The following BOP1 variants were observed in gnomAD, a reference collection of about 807,000 sequenced individuals.
The protein encoded by BOP1 is ribosome biogenesis protein BOP1.
BOP1 carries 54 observed loss-of-function variants against 82.9 expected under a neutral mutation model. The observed-to-expected ratio is 0.65, with a 90% CI of 0.52 to 0.82. The LOEUF (loss-of-function observed/expected upper bound fraction) is 0.82, where lower values mean the gene tolerates loss of function less well. Among genes scored for constraint, BOP1 ranks in the 40% least tolerant of loss-of-function variants. The pLI, the probability that BOP1 is intolerant of heterozygous loss-of-function variation, is 0.00. For synonymous variants in BOP1, 566 were observed against 451.1 expected, an observed-to-expected ratio of 1.25 and a Z score of -3.23; for missense variants, 1,170 against 1,072.0, an observed-to-expected ratio of 1.09 and a Z score of -1.28.
chr8:144,268,274 G>A, intron 3 of BOP1: 1 of 1,358,402 alleles, frequency 7.4e-7, no homozygotes, highest in Non-Finnish European at 1.0e-6. Context: ...GCCAGCCCTG[G>A]CTGCGAGCGG....
chr8:144,262,286 CG>C lies in BOP1; in HGVS notation c.2118del (p.Val707SerfsTer4). ...NDLLQNPLLV[P>X]VKVLKGHVLT... is the part of the protein sequence containing the mutation. ...AGCACGTGTCCCTTCAGCACCTTGA[CG>C]GGCACCAGCAAGGGGTTCTGCAGAA... On this transcript the variant is annotated frameshift_variant, in exon 16 of 16. Coordinates refer to ENST00000569669, the MANE Select transcript of BOP1 (RefSeq NM_015201.5). LOFTEE classifies it high-confidence loss of function. 6.2e-7 allele frequency: 1 copy of C among 1,612,778 alleles called. No homozygotes were observed. The highest frequency in any genetic ancestry group is 8.5e-7 in the Non-Finnish European group (1 of 1,179,782).
intron 3 of BOP1, chr8:144,268,504 G>A: frequency 2.7e-6 from 1 of 365,518 alleles, no homozygotes; most frequent in Non-Finnish European, 5.0e-6. Context: ...CTGTCCTCAT[G>A]AAAGGTTCAG....
At chr8:144,269,337 A>G (rs1474564869) in intron 3 of BOP1, among the ~76,000 whole-genome samples, 2 of 152,208 alleles carry the variant, frequency 1.3e-5, no homozygotes, top group African/African-American at 4.8e-5. Flanking sequence ...TGATGGTGCC[A>G]GGTGCGGGCG....
At chr8:144,286,540 G>A (rs1413441728) in intron 2 of BOP1, among the ~76,000 whole-genome samples, 2 of 132,032 alleles carry the variant, frequency 1.5e-5, no homozygotes, top group Non-Finnish European at 3.3e-5. Context: ...CCACGGCAGG[G>A]CAGGGCCTCG....
rs782523473 is a variant in BOP1 at position 144,263,294 on chromosome 8, T to G, written c.1532A>C (p.Gln511Pro). 1.9e-6 allele frequency: 3 copies of G among 1,594,178 alleles called. No individual in the cohort carries two copies. The highest frequency in any genetic ancestry group is 1.7e-6 in the Non-Finnish European group (2 of 1,178,980). The change falls in exon 12 of 16, where the codon CAG (glutamine) becomes CCG (proline). Residue 511 changes from glutamine (Q) to proline (P), a missense_variant. Gln to Pro is a moderately conservative substitution (Grantham distance 76). Coordinates refer to ENST00000569669, the MANE Select transcript of BOP1 (RefSeq NM_015201.5). ...AFVPPEEPPL[Q>P]PARWLEASEE... ...TGAGGCCTCCAGCCAGCGGGCCGGC[T>G]GCAAGGGGGGCTCCTCAGGCGGGAC...
chr8:144,277,477 G>A (rs1845585456), intron 2 of BOP1, among the ~76,000 whole-genome samples: 1 of 152,248 alleles, frequency 6.6e-6, no homozygotes, highest in Non-Finnish European at 1.5e-5. Context: ...CTGCGGACGG[G>A]TACCGGGCTG....
At chr8:144,263,423 G>A (rs1477192581) in intron 11 of BOP1, 22 bp from the exon 12 acceptor site, 17 of 1,597,658 alleles carry the variant, frequency 1.1e-5, no homozygotes, top group South Asian at 2.2e-5. Flanking sequence ...GCCCAGACAC[G>A]GCCCCTAAGC....
In BOP1 at chr8:144,291,077, C is replaced by T. The variant is rs1436740720; in HGVS notation, c.99+195G>A. On this transcript the variant is annotated intron_variant, in intron 1 of 15. Transcript: ENST00000569669. The surrounding 1 kb of genome is among the most constrained non-coding windows in gnomAD (Gnocchi z 4.1). Reference sequence around the variant, plus strand: ...TCCCCGCTCCCCCGTTTCTTTGCTTCCCGGACGCCGTCCTTTACCCCGCAG... The same window carrying T: ...TCCCCGCTCCCCCGTTTCTTTGCTTTCCGGACGCCGTCCTTTACCCCGCAG... Among the ~76,000 whole-genome samples, 1 of 151,580 alleles carries T rather than the reference C, an allele frequency of 6.6e-6. No individual in the cohort carries two copies. Among genetic ancestry groups the T allele is most frequent in the African/African-American group, 2.4e-5 (1 of 41,286 alleles).
Position 144,289,078 on chromosome 8 carries a change from G to A in BOP1, c.309+17C>T, listed in dbSNP as rs782170909. On this transcript the variant is annotated intron_variant, in intron 2 of 15. Coordinates refer to ENST00000569669, the MANE Select transcript of BOP1 (RefSeq NM_015201.5). ...CACATGGGGGACAGCCCTCGAGGGG[G>A]CTCCTCGCTCACCCACCTGCACCTG... 6.2e-6 allele frequency: 10 copies of A among 1,613,608 alleles called. 1 individual carries two copies. The South Asian group carries it at 1.1e-4, about 18-fold the overall frequency.
intron 2 of BOP1, among the ~76,000 whole-genome samples, chr8:144,277,766 G>A (rs1554838437): frequency 3.9e-4 from 59 of 152,372 alleles, no homozygotes; most frequent in African/African-American, 1.2e-3. Flanking sequence ...GGGCGACGGC[G>A]CTCAGCCAGG....
chr8:144,273,435 G>A (rs1006557744), intron 3 of BOP1, among the ~76,000 whole-genome samples: 3 of 152,356 alleles, frequency 2.0e-5, no homozygotes, highest in East Asian at 3.9e-4. Flanking sequence ...CCAGCACCAC[G>A]GGGCACAGGA....
At position 144,263,672 on chromosome 8, in the gene BOP1, T is replaced by C; in HGVS notation, c.1291+20A>G. On this transcript the variant is annotated intron_variant, in intron 10 of 15. Coordinates refer to ENST00000569669, the MANE Select transcript of BOP1 (RefSeq NM_015201.5). ...TCCCACCTGCCCCCCAGCTCAAGGC[T>C]GCCCCCAGCTCGGACCCACCTGAAA... 1 of 1,588,788 alleles carries C rather than the reference T, an allele frequency of 6.3e-7. No homozygotes were observed. The highest frequency in any genetic ancestry group is 8.6e-7 in the Non-Finnish European group (1 of 1,169,118).
At chr8:144,283,308 T>G (rs562595758) in intron 2 of BOP1, among the ~76,000 whole-genome samples, 3 of 151,398 alleles carry the variant, frequency 2.0e-5, no homozygotes, top group South Asian at 2.1e-4. Context: ...AAAGGGCTCC[T>G]GGCCCAGGGA....
intron 4 of BOP1, 21 bp downstream of exon 4, chr8:144,264,896 C>G: frequency 6.2e-7 from 1 of 1,603,100 alleles, no homozygotes; most frequent in Non-Finnish European, 8.5e-7. Context: ...CGGCTGCTGG[C>G]CCCACCCCAC....
At chr8:144,267,112 G>A in intron 3 of BOP1, 1 of 1,451,640 alleles carries the variant, frequency 6.9e-7, no homozygotes. Flanking sequence ...GCCGCCTCCC[G>A]CCCGCGACGG....
At chr8:144,279,599 C>T (rs879988153) in intron 2 of BOP1, among the ~76,000 whole-genome samples, 9 of 152,188 alleles carry the variant, frequency 5.9e-5, no homozygotes, top group Admixed American at 1.3e-4. Context: ...ATTTGGCAAG[C>T]GTAAGGGTGA....
chr8:144,291,214 C>A lies in BOP1; in HGVS notation c.99+58G>T. On this transcript the variant is annotated intron_variant, in intron 1 of 15. Transcript: ENST00000569669. This position sits in a 1 kb window ranked among gnomAD's most constrained non-coding sequence, Gnocchi z 4.1. ...CCGGGCCCACCCGCCCCAGCGCGGC[C>A]ACGTGCCCGCCGGGCCCTCTAGGGA... 1 of 1,347,782 alleles carries A rather than the reference C, an allele frequency of 7.4e-7. No individual in the cohort carries two copies. The highest frequency in any genetic ancestry group is 9.5e-7 in the Non-Finnish European group (1 of 1,052,140). 83.5% of individuals were successfully genotyped at this position (1,347,782 alleles called of 1,614,324 possible). A position where few individuals can be genotyped will look rare whatever the true frequency, so the allele number is the denominator to read the frequency against.
rs1316519135 is a variant in BOP1 at position 144,283,271 on chromosome 8, AAAAC to A, written c.309+5820_309+5823del. Reference sequence around the variant, plus strand: ...GCAGTTTGTTGTGGTGCCAGATAACAAAACAAACAAACAGAGAGAAAACAGCAAA... The same window carrying A: ...GCAGTTTGTTGTGGTGCCAGATAACAAAACAAACAGAGAGAAAACAGCAAA... On this transcript the variant is annotated intron_variant, in intron 2 of 15. Transcript: ENST00000569669. Among the ~76,000 whole-genome samples the A allele has an allele frequency of 4.0e-5, 6 of 150,458 alleles. No individual in the cohort carries two copies. In the South Asian group the frequency reaches 6.3e-4, roughly 16 times the overall value.
At chr8:144,279,010 G>A (rs1213572412) in intron 2 of BOP1, among the ~76,000 whole-genome samples, 6 of 152,238 alleles carry the variant, frequency 3.9e-5, no homozygotes, top group African/African-American at 1.4e-4. Context: ...TCCCAGGCAT[G>A]GAGGCCAACC....
Sources: allele counts gnomAD v4.1 joint callset (sites outside exome capture counted in the v4.1 genomes callset), GRCh38; gene constraint gnomAD v4.1.1; non-coding constraint Gnocchi (gnomAD v3.1); transcripts MANE v1.5; gene names NCBI Gene and HGNC (gene_info 2026-07-23, HGNC 2026-07-21).